The following COL26A1 variants were observed in gnomAD, a reference collection of about 807,000 sequenced individuals.
COL26A1 encodes the protein collagen type XXVI alpha 1 chain.
Under a neutral mutation model 59.3 loss-of-function variants are expected in COL26A1, and 41 were observed. That is an observed-to-expected ratio of 0.69 (90% confidence interval 0.54 to 0.90). The LOEUF is 0.90. Ranked by LOEUF, COL26A1 falls within the 40% of genes least tolerant of loss-of-function variation. The pLI, the probability that COL26A1 is intolerant of heterozygous loss-of-function variation, is 0.00. For missense variants in COL26A1, 612 were observed against 602.3 expected, an observed-to-expected ratio of 1.02 and a Z score of -0.17; for synonymous variants, 266 against 256.0, an observed-to-expected ratio of 1.04 and a Z score of -0.37.
At chr7:101,400,044 T>C (rs2130188174) in intron 1 of COL26A1, among the ~76,000 whole-genome samples, 1 of 152,092 alleles carries the variant, frequency 6.6e-6, no homozygotes, top group Admixed American at 6.6e-5. Flanking sequence ...TGGGCAGAGT[T>C]GGAGGAACCA....
At chr7:101,494,079 A>C (rs1053241659) in intron 3 of COL26A1, among the ~76,000 whole-genome samples, 1 of 150,024 alleles carries the variant, frequency 6.7e-6, no homozygotes, top group African/African-American at 2.5e-5. Flanking sequence ...AATTGTGTGA[A>C]TTCGATTGGG....
chr7:101,402,136 G>T (rs993522714), intron 1 of COL26A1, among the ~76,000 whole-genome samples: 1 of 152,146 alleles, frequency 6.6e-6, no homozygotes, highest in Non-Finnish European at 1.5e-5. Context: ...GTGTGGCGGG[G>T]GTGCCACCGG....
chr7:101,387,953 AAG>A (rs1361302589), intron 1 of COL26A1, among the ~76,000 whole-genome samples: 5 of 150,156 alleles, frequency 3.3e-5, no homozygotes, highest in Non-Finnish European at 7.4e-5. Flanking sequence ...TTTCTTATTA[AAG>A]AGGGGTTTCA....
At chr7:101,419,899 G>A in intron 1 of COL26A1, 78 bp from the exon 2 acceptor site, 1 of 1,541,948 alleles carries the variant, frequency 6.5e-7, no homozygotes, top group Non-Finnish European at 8.8e-7. Flanking sequence ...GCCCCTCCCT[G>A]TCCAGCACGG....
At chr7:101,393,368 G>A (rs921129093) in intron 1 of COL26A1, among the ~76,000 whole-genome samples, 1 of 152,152 alleles carries the variant, frequency 6.6e-6, no homozygotes, top group Non-Finnish European at 1.5e-5. Flanking sequence ...AGAAATTGGA[G>A]TTGGATGTTT....
At chr7:101,387,619 T>TTCTC (rs1791607853) in intron 1 of COL26A1, among the ~76,000 whole-genome samples, 1 of 131,332 alleles carries the variant, frequency 7.6e-6, no homozygotes, top group African/African-American at 3.1e-5. Context: ...GTGTGAAGCA[T>TTCTC]TCTCTCTCTC....
rs1563007506 is a variant in COL26A1 at position 101,489,691 on chromosome 7, TTCTTTCTG to T, written c.385+41912_385+41919del. 9.4e-4 allele frequency among the ~76,000 whole-genome samples: 16 copies of T among 17,096 alleles called. 4 individuals carry two copies. Among genetic ancestry groups the T allele is most frequent in the African/African-American group, 6.0e-3 (13 of 2,180 alleles). The allele number at this position is 17,096 out of a possible 152,430, so 11.2% of individuals were successfully genotyped here. ...TTCCTTCCTTCCTTCCTTTCTTTCT[TTCTTTCTG>T]TCTTTCTTTCTTTCATTCTTTCTTT... On this transcript the variant is annotated intron_variant, in intron 3 of 12. Coordinates refer to ENST00000313669, the MANE Select transcript of COL26A1 (RefSeq NM_001278563.3).
At position 101,517,549 on chromosome 7, in the gene COL26A1, C is replaced by T. The variant is rs142558224; in HGVS notation, c.386-15533C>T. ...CCACTTATATAATCATCAGATCTCG[C>T]GAGACTTACTCACTATCACGAGAAC... On this transcript the variant is annotated intron_variant, in intron 3 of 12. Coordinates refer to ENST00000313669, the MANE Select transcript of COL26A1 (RefSeq NM_001278563.3). Among the ~76,000 whole-genome samples the T allele has an allele frequency of 1.1e-3, 173 of 152,248 alleles. 3 individuals carry two copies. The East Asian group carries it at 0.026, about 23-fold the overall frequency.
Position 101,557,461 on chromosome 7 carries a change from G to A in COL26A1, c.1257G>A (p.Gly419=). The A allele has an allele frequency of 6.2e-7, 1 of 1,613,734 alleles. No individual in the cohort carries two copies. Among genetic ancestry groups the A allele is most frequent in the Non-Finnish European group, 8.5e-7 (1 of 1,179,744 alleles). The part of the protein sequence containing the change: ...KMKRGGAQPD[G]VLAALLGPDP... ...AGAGGGGTGGCGCCCAACCCGATGGGGTCCTTGCTGCCCTGCTTGGGCCCG... is the reference window on the plus strand; with the variant it reads ...AGAGGGGTGGCGCCCAACCCGATGGAGTCCTTGCTGCCCTGCTTGGGCCCG... Residue 419 remains glycine, a synonymous_variant, in exon 13 of 13, where the codon GGG becomes GGA. Transcript: ENST00000313669.
intron 1 of COL26A1, among the ~76,000 whole-genome samples, chr7:101,401,010 C>A (rs1306491614): frequency 6.6e-6 from 1 of 152,110 alleles, no homozygotes; most frequent in Non-Finnish European, 1.5e-5. Flanking sequence ...GTCAGGTGGA[C>A]AGCAGCACGT....
intron 3 of COL26A1, among the ~76,000 whole-genome samples, chr7:101,460,758 G>T (rs1306346746): frequency 6.6e-6 from 1 of 151,294 alleles, no homozygotes; most frequent in Non-Finnish European, 1.5e-5. Context: ...TCCAGCCTGG[G>T]TGATAGAGAG....
At chr7:101,387,737 TA>T (rs1249928255) in intron 1 of COL26A1, among the ~76,000 whole-genome samples, 1 of 100,992 alleles carries the variant, frequency 9.9e-6, no homozygotes, top group African/African-American at 4.7e-5. Context: ...TTAATATAAT[TA>T]TATATATATA....
In COL26A1 at chr7:101,387,767, TA is replaced by T. The variant is rs1318167382; in HGVS notation, c.158+24578del. ...ATATATATATATTTATATATATATA[TA>T]TATATATATATTTTTTTTTAAGACA... On this transcript the variant is annotated intron_variant, in intron 1 of 12. Coordinates refer to ENST00000313669, the MANE Select transcript of COL26A1 (RefSeq NM_001278563.3). Among the ~76,000 whole-genome samples, 23 of 48,192 alleles carry T rather than the reference TA, an allele frequency of 4.8e-4. 1 individual carries two copies. Among genetic ancestry groups the T allele is most frequent in the Admixed American group, 1.4e-3 (4 of 2,858 alleles). 31.6% of individuals were successfully genotyped at this position (48,192 alleles called of 152,430 possible). A position where few individuals can be genotyped will look rare whatever the true frequency, so the allele number is the denominator to read the frequency against.
intron 1 of COL26A1, among the ~76,000 whole-genome samples, chr7:101,416,573 T>A (rs1792374490): frequency 6.9e-6 from 1 of 143,946 alleles, no homozygotes; most frequent in South Asian, 2.3e-4. Flanking sequence ...TCTAGGTCCC[T>A]TGTTGCCTGT....
chr7:101,379,002 C>T (rs1311395775), intron 1 of COL26A1, among the ~76,000 whole-genome samples: 1 of 152,098 alleles, frequency 6.6e-6, no homozygotes, highest in Non-Finnish European at 1.5e-5. Context: ...CCCGTAGTTA[C>T]GAAGCCTTTG....
chr7:101,489,001 T>C (rs943126991), intron 3 of COL26A1, among the ~76,000 whole-genome samples: 2 of 152,232 alleles, frequency 1.3e-5, no homozygotes, highest in East Asian at 3.8e-4. Context: ...GTTTTGCGTC[T>C]ATTTGTAAAT....
At position 101,543,469 on chromosome 7, in the gene COL26A1, C is replaced by G. The variant is rs545839279; in HGVS notation, c.605-529C>G. Among the ~76,000 whole-genome samples the G allele has an allele frequency of 6.6e-5, 10 of 152,248 alleles. No individual in the cohort carries two copies. In the East Asian group the frequency reaches 1.9e-3, roughly 29 times the overall value. ...ACATTTTTCAGCATCCTCTCTGGGC[C>G]AGAGGGAGAAAAGGCTGTCCCCTGG... On this transcript the variant is annotated intron_variant, in intron 5 of 12. Transcript: ENST00000313669.
At chr7:101,506,406 T>A (rs1794813370) in intron 3 of COL26A1, among the ~76,000 whole-genome samples, 2 of 152,244 alleles carry the variant, frequency 1.3e-5, no homozygotes, top group African/African-American at 2.4e-5. Flanking sequence ...GAAAGGAGCA[T>A]GTTTTGGCTG....
At chr7:101,447,580 C>A (rs541354714) in intron 2 of COL26A1, 104 bp from the exon 3 acceptor site, 22 of 763,580 alleles carry the variant, frequency 2.9e-5, no homozygotes, top group Non-Finnish European at 4.0e-5. Context: ...GGGGGCCTCC[C>A]GGAGCCCTGG....
Sources: allele counts gnomAD v4.1 joint callset (sites outside exome capture counted in the v4.1 genomes callset), GRCh38; gene constraint gnomAD v4.1.1; transcripts MANE v1.5; gene names NCBI Gene and HGNC (gene_info 2026-07-23, HGNC 2026-07-21).